The following PANK2 variants were observed in gnomAD, a reference collection of about 807,000 sequenced individuals.
PANK2 encodes pantothenate kinase 2, mitochondrial.
Under a neutral mutation model 43.1 loss-of-function variants are expected in PANK2, and 36 were observed. The ratio of observed to expected loss-of-function variants is 0.84; its 90% CI spans 0.64 to 1.10. PANK2 has a LOEUF of 1.10. Ranked by LOEUF, PANK2 falls within the 50% of genes least tolerant of loss-of-function variation. The pLI, the probability that PANK2 is intolerant of heterozygous loss-of-function variation, is 0.00. For synonymous variants in PANK2, 281 were observed against 238.2 expected (o/e 1.18, Z -1.66); for missense variants, 576 against 593.3 (o/e 0.97, Z 0.30).
rs767836504 is a variant in PANK2 at position 3,923,302 on chromosome 20, C to T, written c.*8C>T. 4 of 1,613,950 alleles carry T rather than the reference C, an allele frequency of 2.5e-6. No individual in the cohort carries two copies. The highest frequency in any genetic ancestry group is 2.7e-5 in the African/African-American group (2 of 74,912). ...CTGTTGAAGATCCCGTGATCATTAC[C>T]TGGGGAGGGGTTCCTGAAACCTTCC... On this transcript the variant is annotated 3_prime_UTR_variant, in exon 7 of 7. Transcript: ENST00000610179.
intron 1 of PANK2, among the ~76,000 whole-genome samples, chr20:3,905,513 A>AT (rs1365300973): frequency 7.0e-6 from 1 of 142,584 alleles, no homozygotes; most frequent in East Asian, 2.1e-4. Flanking sequence ...CGCCCGGCTA[A>AT]TTTTTTTGTA....
Position 3,927,338 on chromosome 20 carries a change from G to A in PANK2, c.*4044G>A, listed in dbSNP as rs1001384435. On this transcript the variant is annotated 3_prime_UTR_variant, in exon 7 of 7. Transcript: ENST00000610179. ...TTTCAAAATTTGCTTTTATTTACACGTTTGAGTCAATTACATGCATGTTTT... is the reference window on the plus strand; with the variant it reads ...TTTCAAAATTTGCTTTTATTTACACATTTGAGTCAATTACATGCATGTTTT... The A allele has an allele frequency of 1.3e-5, 2 of 152,064 alleles. No individual in the cohort carries two copies. The highest frequency in any genetic ancestry group is 2.9e-5 in the Non-Finnish European group (2 of 68,004). The allele number at this position is 152,064 out of a possible 1,614,324, so 9.4% of individuals were successfully genotyped here.
Position 3,908,222 on chromosome 20 carries a change from A to G in PANK2, c.595A>G (p.Thr199Ala), listed in dbSNP as rs757722020. ...AGATAAAAACTTCTCGAGTCTCCACACTGTCTTTTGTGCCACTGGAGGTGG... is the reference window on the plus strand; with the variant it reads ...AGATAAAAACTTCTCGAGTCTCCACGCTGTCTTTTGTGCCACTGGAGGTGG... Residue 199 changes from threonine to alanine, a missense_variant, in exon 2 of 7, where the codon ACT becomes GCT. Thr to Ala is a moderately conservative substitution (Grantham distance 58, BLOSUM62 0). Transcript: ENST00000610179. 2 of 1,613,242 alleles carry G rather than the reference A, an allele frequency of 1.2e-6. No individual in the cohort carries two copies. The highest frequency in any genetic ancestry group is 1.7e-5 in the Admixed American group (1 of 60,020).
At chr20:3,921,055 T>G (rs946769240) in intron 6 of PANK2, among the ~76,000 whole-genome samples, 1 of 151,478 alleles carries the variant, frequency 6.6e-6, no homozygotes, top group Non-Finnish European at 1.5e-5. Flanking sequence ...GATGATTATT[T>G]TATTTTATTT....
rs71647850 is a variant in PANK2, at chr20:3,917,332, G to A, written c.1206+282G>A. Among the ~76,000 whole-genome samples, 93 of 152,254 alleles carry A rather than the reference G, an allele frequency of 6.1e-4. 1 individual carries two copies. In the East Asian group the frequency reaches 0.015, roughly 24 times the overall value. On this transcript the variant is annotated intron_variant, in intron 5 of 6. Transcript: ENST00000610179. ...AGTGTTCCAGATATTGGGGACTGTT[G>A]GGGGTGATGATGGATAACGATGCTG...
At chr20:3,889,752 CCCGGCCCGCCCTGCCCCCCCTT>C (rs749026178) in intron 1 of PANK2, 24 bp downstream of exon 1, 22 of 1,550,704 alleles carry the variant, frequency 1.4e-5, no homozygotes, top group Admixed American at 3.4e-5. Context: ...GGGGCGCCCT[CCCGGCCCGCCCTGCCCCCCCTT>C]CCGGCCCACC....
In PANK2 at chr20:3,889,637, T is replaced by A. The variant is rs750266345; in HGVS notation, c.207T>A (p.Ala69=). The change falls in exon 1 of 7, where the codon GCT becomes GCA. Residue 69 remains alanine (A), a synonymous_variant. Coordinates refer to ENST00000610179, the MANE Select transcript of PANK2 (RefSeq NM_001386393.1). The stretch of plus-strand genomic sequence containing the variant: ...CGGTGCCCGCGGTCGGGGCCTCGGC[T>A]GAGGGCACGAGGCGGGATCGACTGG... 7.6e-6 allele frequency: 12 copies of A among 1,575,310 alleles called. No homozygotes were observed. In the Admixed American group the frequency reaches 1.9e-4, roughly 25 times the overall value.
At chr20:3,888,969 C>G, upstream of PANK2, 4 of 711,946 alleles carry the variant, frequency 5.6e-6, no homozygotes, top group Admixed American at 3.0e-5. Context: ...GGGAGCACTG[C>G]TGGGCTGGAG....
At chr20:3,913,452 T>G (rs1196146131) in intron 4 of PANK2, among the ~76,000 whole-genome samples, 2 of 151,894 alleles carry the variant, frequency 1.3e-5, no homozygotes, top group African/African-American at 4.8e-5. Context: ...CAAGCAATTC[T>G]CCTGCCTCAG....
rs2090696039 is a variant in PANK2 at position 3,924,727 on chromosome 20, C to G, written c.*1433C>G. ...TCTGACGCCCTGATCCTGAGTTCCT[C>G]TGCCCTCCTCTGCTGCCAGCAGCGC... On this transcript the variant is annotated 3_prime_UTR_variant, in exon 7 of 7. Transcript: ENST00000610179. 6.5e-6 allele frequency: 1 copy of G among 153,136 alleles called. No homozygotes were observed. The highest frequency in any genetic ancestry group is 1.5e-5 in the Non-Finnish European group (1 of 68,740). The allele number at this position is 153,136 out of a possible 1,614,324, so 9.5% of individuals were successfully genotyped here.
intron 4 of PANK2, among the ~76,000 whole-genome samples, 174 bp downstream of exon 4, chr20:3,912,808 G>C (rs6116091): frequency 6.6e-6 from 1 of 151,772 alleles, no homozygotes; most frequent in Non-Finnish European, 1.5e-5. Context: ...AAATTAGCTA[G>C]GCATGGTGGT....
intron 1 of PANK2, among the ~76,000 whole-genome samples, chr20:3,890,614 G>A (rs2146809669): frequency 6.6e-6 from 1 of 152,300 alleles, no homozygotes; most frequent in South Asian, 2.1e-4. Context: ...GGACTTTTTG[G>A]TGGGTGTTGC....
chr20:3,891,072 C>T (rs1364045723), intron 1 of PANK2, among the ~76,000 whole-genome samples: 1 of 152,100 alleles, frequency 6.6e-6, no homozygotes, highest in Non-Finnish European at 1.5e-5. Context: ...TACTTTGAGA[C>T]AGCGTCTTGT....
Position 3,923,610 on chromosome 20 carries a change from C to G in PANK2, c.*316C>G. 2.3e-6 allele frequency: 1 copy of G among 431,064 alleles called. No individual in the cohort carries two copies. Among genetic ancestry groups the G allele is most frequent in the Admixed American group, 3.6e-5 (1 of 27,714 alleles). The allele number at this position is 431,064 out of a possible 1,614,324, so 26.7% of individuals were successfully genotyped here. A position where few individuals can be genotyped will look rare whatever the true frequency, so the allele number is the denominator to read the frequency against. ...TTGGAAGTGCTTCTGAAGAGAGCTG[C>G]TCTGTGTTCAGTTGACTGGTTTTGT... On this transcript the variant is annotated 3_prime_UTR_variant, in exon 7 of 7. Transcript: ENST00000610179.
intron 4 of PANK2, among the ~76,000 whole-genome samples, chr20:3,914,804 T>A (rs2090532138): frequency 6.6e-6 from 1 of 151,418 alleles, no homozygotes; most frequent in African/African-American, 2.4e-5. Flanking sequence ...GAGATGGGGT[T>A]TGGCCATGTT....
chr20:3,913,377 CTT>C (rs1188714086), intron 4 of PANK2, among the ~76,000 whole-genome samples: 1 of 151,942 alleles, frequency 6.6e-6, no homozygotes, highest in Non-Finnish European at 1.5e-5. Context: ...GCGTTTTACT[CTT>C]TTTGCCCAGG....
intron 1 of PANK2, among the ~76,000 whole-genome samples, chr20:3,904,795 C>A (rs1568566114): frequency 6.6e-6 from 1 of 152,064 alleles, no homozygotes; most frequent in Non-Finnish European, 1.5e-5. Context: ...TCCTGCAACT[C>A]TTTCTTCAGA....
chr20:3,916,944 G>A lies in PANK2; in HGVS notation c.1100G>A (p.Ser367Asn), dbSNP rs375769508. The change falls in exon 5 of 7, where the codon AGC becomes AAC. Residue 367 changes from serine (S) to asparagine (N), a missense_variant. Transcript: ENST00000610179. ...CATCACAGCTTTGGAAACATGATGA[G>A]CAAGGAGAAGCGAGAGGCTGTCAGT... 6.2e-7 allele frequency: 1 copy of A among 1,613,960 alleles called. No homozygotes were observed. Among genetic ancestry groups the A allele is most frequent in the African/African-American group, 1.3e-5 (1 of 74,862 alleles).
rs1215684657 is a variant in PANK2 at position 3,925,470 on chromosome 20, G to A, written c.*2176G>A. On this transcript the variant is annotated 3_prime_UTR_variant, in exon 7 of 7. Coordinates refer to ENST00000610179, the MANE Select transcript of PANK2 (RefSeq NM_001386393.1). ...GCTGGTCTCGAACTCCAGACCCCAG[G>A]TGATCCGCCTGCCTTGGCCTCCCAA... 2 of 152,364 alleles carry A rather than the reference G, an allele frequency of 1.3e-5. No homozygotes were observed. The highest frequency in any genetic ancestry group is 1.9e-4 in the East Asian group (1 of 5,198). 9.4% of individuals were successfully genotyped at this position (152,364 alleles called of 1,614,324 possible).
Sources: gnomAD v4.1 joint callset for allele counts (sites outside exome capture counted in the v4.1 genomes callset) on GRCh38, gnomAD v4.1.1 for gene constraint, MANE v1.5 for transcripts, NCBI Gene and HGNC (gene_info 2026-07-23, HGNC 2026-07-21) for gene names.